SLC12A8: variants seen among roughly 807,000 people sequenced by gnomAD.
SLC12A8 encodes the protein cation-chloride cotransporter 9.
SLC12A8 carries 69 observed loss-of-function variants against 75.6 expected under a neutral mutation model. That is an observed-to-expected ratio of 0.91 (90% CI 0.75 to 1.11). The LOEUF is 1.11. Among genes scored for constraint, SLC12A8 ranks in the 50% most tolerant of loss-of-function variants. The probability of loss-of-function intolerance (pLI) is 0.00; values close to 1 mark genes in which losing one functional copy is unlikely to be tolerated. For missense variants in SLC12A8, 877 were observed against 896.7 expected (o/e 0.98, Z 0.28); for synonymous variants, 365 against 372.8 (o/e 0.98, Z 0.24).
chr3:125,164,564 G>A (rs769336160), intron 5 of SLC12A8, among the ~76,000 whole-genome samples: 3 of 152,214 alleles, frequency 2.0e-5, no homozygotes, highest in Non-Finnish European at 2.9e-5. Context: ...CCTTACGTCA[G>A]GGGCTAACTG....
intron 5 of SLC12A8, among the ~76,000 whole-genome samples, chr3:125,157,790 C>A (rs987288524): frequency 2.0e-4 from 30 of 152,300 alleles, no homozygotes; most frequent in African/African-American, 6.5e-4. Context: ...AAGGTTCTTC[C>A]ACTCTCCTCC....
chr3:125,169,450 CA>C (rs1223743810), intron 5 of SLC12A8, among the ~76,000 whole-genome samples: 6 of 152,052 alleles, frequency 3.9e-5, no homozygotes, highest in Non-Finnish European at 8.8e-5. Context: ...GAGAAGGACC[CA>C]CTGTTATTGG....
At chr3:125,125,659 G>A (rs1933187402) in intron 6 of SLC12A8, among the ~76,000 whole-genome samples, 1 of 152,194 alleles carries the variant, frequency 6.6e-6, no homozygotes, top group Non-Finnish European at 1.5e-5. Context: ...TTATTTCACA[G>A]ATGAGGCAAC....
intron 6 of SLC12A8, among the ~76,000 whole-genome samples, chr3:125,122,829 C>T (rs1029095076): frequency 3.3e-5 from 5 of 152,090 alleles, no homozygotes; most frequent in African/African-American, 1.2e-4. Context: ...AGAAACAGAA[C>T]AACCCAGGCT....
chr3:125,147,947 G>A (rs1293546786), intron 5 of SLC12A8, among the ~76,000 whole-genome samples: 1 of 152,160 alleles, frequency 6.6e-6, no homozygotes, highest in African/African-American at 2.4e-5. Context: ...TTTGTGCCAG[G>A]CATGACACTA....
chr3:125,198,268 A>AAAAT (rs1935043154), intron 2 of SLC12A8, among the ~76,000 whole-genome samples: 1 of 148,236 alleles, frequency 6.7e-6, no homozygotes, highest in South Asian at 2.1e-4. Flanking sequence ...AAAAAAAAAA[A>AAAAT]ACAAAACAGT....
chr3:125,114,674 G>T (rs1049554217), intron 8 of SLC12A8, among the ~76,000 whole-genome samples: 1 of 151,978 alleles, frequency 6.6e-6, no homozygotes, highest in Non-Finnish European at 1.5e-5. Flanking sequence ...TGATCTGCCC[G>T]CCACGCCCTC....
chr3:125,140,753 T>C (rs375455747), intron 5 of SLC12A8, among the ~76,000 whole-genome samples: 1 of 151,888 alleles, frequency 6.6e-6, no homozygotes, highest in Admixed American at 6.6e-5. Context: ...AGGGTCTCGC[T>C]CTATCACCGA....
chr3:125,202,385 T>C (rs941514668), intron 2 of SLC12A8, among the ~76,000 whole-genome samples: 5 of 152,200 alleles, frequency 3.3e-5, no homozygotes, highest in Non-Finnish European at 7.3e-5. Context: ...GCCAGGGTGT[T>C]CAATCAGGCC....
In SLC12A8 at chr3:125,082,879, A is replaced by G. The variant is rs1054057424; in HGVS notation, c.*1011T>C. The G allele has an allele frequency of 6.6e-6, 1 of 152,226 alleles. No homozygotes were observed. Among genetic ancestry groups the G allele is most frequent in the Admixed American group, 6.5e-5 (1 of 15,286 alleles). 9.4% of individuals were successfully genotyped at this position (152,226 alleles called of 1,614,324 possible). A position where few individuals can be genotyped will look rare whatever the true frequency, so the allele number is the denominator to read the frequency against. On this transcript the variant is annotated 3_prime_UTR_variant, in exon 14 of 14. Coordinates refer to ENST00000469902, the MANE Select transcript of SLC12A8 (RefSeq NM_024628.6). ...GAAATAAATTATAACACATTTATAC[A>G]ATGAAAAAAATGAACAAATGGCATA... is the stretch of plus-strand genomic sequence containing the variant.
At chr3:125,106,655 C>T (rs1939034197) in intron 10 of SLC12A8, among the ~76,000 whole-genome samples, 1 of 152,138 alleles carries the variant, frequency 6.6e-6, no homozygotes, top group Non-Finnish European at 1.5e-5. Context: ...CCGGCCAAAA[C>T]ACTATTTTTC....
At chr3:125,124,148 T>C (rs1350648538) in intron 6 of SLC12A8, among the ~76,000 whole-genome samples, 2 of 152,116 alleles carry the variant, frequency 1.3e-5, no homozygotes, top group African/African-American at 2.4e-5. Context: ...GGCCAGAAAC[T>C]TGGCTTTTGA....
chr3:125,137,454 GCTTATCCGCTGGCT>G (rs1933519989), intron 5 of SLC12A8, among the ~76,000 whole-genome samples: 1 of 152,198 alleles, frequency 6.6e-6, no homozygotes, highest in Non-Finnish European at 1.5e-5. Flanking sequence ...GTTAACTTTA[GCTTATCCGCTGGCT>G]GACCTCACTG....
Position 125,110,200 on chromosome 3 carries a change from G to T in SLC12A8, c.1048C>A (p.Leu350Met). 1 of 1,612,938 alleles carries T rather than the reference G, an allele frequency of 6.2e-7. No homozygotes were observed. Among genetic ancestry groups the T allele is most frequent in the Non-Finnish European group, 8.5e-7 (1 of 1,179,180 alleles). Residue 350 changes from leucine (L) to methionine (M), a missense_variant, in exon 9 of 14, where the codon CTG (leucine) becomes ATG (methionine). Physicochemically the swap from Leu to Met is conservative, Grantham distance 15 (BLOSUM62 2). Transcript: ENST00000469902. ...QEKVIPALAC[L>M]GQGKGPNKTP... ...AGAGGATTACTCACCCCTTGTCCCA[G>T]ACAGGCAAGTGCAGGGATCACTTTC...
chr3:125,202,255 C>A (rs1320681419), intron 2 of SLC12A8, among the ~76,000 whole-genome samples: 6 of 152,166 alleles, frequency 3.9e-5, no homozygotes, highest in African/African-American at 1.4e-4. Context: ...TGATAATGTT[C>A]TAGGAATATA....
intron 6 of SLC12A8, among the ~76,000 whole-genome samples, chr3:125,126,635 C>T (rs944177720): frequency 1.3e-5 from 2 of 152,136 alleles, no homozygotes; most frequent in Non-Finnish European, 2.9e-5. Flanking sequence ...AAAAGAAAAT[C>T]CCAACAGTTT....
chr3:125,092,617 T>C (rs1938614291), intron 10 of SLC12A8, among the ~76,000 whole-genome samples: 2 of 152,158 alleles, frequency 1.3e-5, no homozygotes, highest in African/African-American at 4.8e-5. Flanking sequence ...TGCTACCTTC[T>C]GACTCTGAAA....
intron 6 of SLC12A8, among the ~76,000 whole-genome samples, chr3:125,130,761 G>A (rs1933334584): frequency 6.6e-6 from 1 of 152,218 alleles, no homozygotes; most frequent in South Asian, 2.1e-4. Context: ...GGGAGAAGCT[G>A]GAGGGGAGGC....
At chr3:125,108,304 C>T (rs574583063) in intron 9 of SLC12A8, among the ~76,000 whole-genome samples, 178 bp from the exon 10 acceptor site, 1 of 152,146 alleles carries the variant, frequency 6.6e-6, no homozygotes, top group Non-Finnish European at 1.5e-5. Flanking sequence ...TTCATGCATG[C>T]GAAATGCTTC....
Sources: gnomAD v4.1 joint callset for allele counts (sites outside exome capture counted in the v4.1 genomes callset) on GRCh38, gnomAD v4.1.1 for gene constraint, MANE v1.5 for transcripts, NCBI Gene and HGNC (gene_info 2026-07-23, HGNC 2026-07-21) for gene names.